Variants in TNNT1 observed in about 807,000 individuals in gnomAD.
TNNT1 encodes troponin T1, slow skeletal type, also known as troponin T, slow skeletal muscle.
Under a neutral mutation model 50.6 loss-of-function variants are expected in TNNT1, and 53 were observed. That is an observed-to-expected ratio of 1.05 (90% confidence interval 0.84 to 1.32). The LOEUF is 1.32. TNNT1 is among the 40% of genes most tolerant of loss of function. The pLI, the probability that TNNT1 is intolerant of heterozygous loss-of-function variation, is 0.00. For synonymous variants in TNNT1, 142 were observed against 138.0 expected, an observed-to-expected ratio of 1.03 and a Z score of -0.20; for missense variants, 348 against 381.7, an observed-to-expected ratio of 0.91 and a Z score of 0.74.
At position 55,138,056 on chromosome 19, in the gene TNNT1, C is replaced by T; in HGVS notation, c.406G>A (p.Glu136Lys). The T allele has an allele frequency of 6.2e-7, 1 of 1,614,182 alleles. No homozygotes were observed. Among genetic ancestry groups the T allele is most frequent in the Non-Finnish European group, 8.5e-7 (1 of 1,180,008 alleles). ...GCCCGCTTCTTGGCCTCTTCCTCTT[C>T]CTTCCTCATCTTCTCCTCCTGTGGG... ...AKLAEEKMRK[E>K]EEEAKKRAED... Residue 136 changes from glutamate (E) to lysine (K), a missense_variant, in exon 10 of 14, where the codon GAA becomes AAA. Glu to Lys is a moderately conservative substitution (Grantham distance 56). Around this residue, in one of 3 missense-constraint regions of TNNT1, gnomAD observed 253 missense variants for 291.8 expected, o/e 0.87. Transcript: ENST00000588981.
At chr19:55,144,902 G>A (rs1236124816) in intron 6 of TNNT1, among the ~76,000 whole-genome samples, 1 of 152,182 alleles carries the variant, frequency 6.6e-6, no homozygotes, top group Non-Finnish European at 1.5e-5. Flanking sequence ...CTCGAGTCAT[G>A]GAGGAGGATG....
At chr19:55,133,695 A>AT in intron 13 of TNNT1, 192 bp downstream of exon 13, 3 of 650,806 alleles carry the variant, frequency 4.6e-6, no homozygotes, top group East Asian at 2.8e-5. Context: ...AAAAAAAAAA[A>AT]GAAAGAAAAA....
rs1372463418 is a variant in TNNT1 at position 55,147,292 on chromosome 19, GA to G, written c.-11-125del. 4.4e-6 allele frequency: 4 copies of G among 899,588 alleles called. No homozygotes were observed. The African/African-American group carries it at 6.9e-5, about 15-fold the overall frequency. The allele number at this position is 899,588 out of a possible 1,614,324, so 55.7% of individuals were successfully genotyped here. A position where few individuals can be genotyped will look rare whatever the true frequency, so the allele number is the denominator to read the frequency against. On this transcript the variant is annotated intron_variant, in intron 1 of 13. Coordinates refer to ENST00000588981, the MANE Select transcript of TNNT1 (RefSeq NM_003283.6). Reference sequence around the variant, plus strand: ...CCTGGGTCTGGACTCCTGGGTGTGAGAGAGGAGGAGCTGGGGTCTGGACTCC... The same window carrying G: ...CCTGGGTCTGGACTCCTGGGTGTGAGGAGGAGGAGCTGGGGTCTGGACTCC...
At chr19:55,136,424 T>C (rs1413368877) in intron 11 of TNNT1, among the ~76,000 whole-genome samples, 1 of 152,118 alleles carries the variant, frequency 6.6e-6, no homozygotes. Flanking sequence ...CTTTCACAGC[T>C]CTGTGAGGTC....
At position 55,132,928 on chromosome 19, in the gene TNNT1, C is replaced by A; in HGVS notation, c.824G>T (p.Gly275Val). 1 of 1,603,874 alleles carries A rather than the reference C, an allele frequency of 6.2e-7. No individual in the cohort carries two copies. The highest frequency in any genetic ancestry group is 8.5e-7 in the Non-Finnish European group (1 of 1,176,314). The change falls in exon 14 of 14, where the codon GGC (glycine) becomes GTC (valine). Residue 275 changes from glycine to valine, a missense_variant. Transcript: ENST00000588981. ...GGGGCGGCATCCTCACTTCCAGCGGCCTCCAACGCGGCCCTTCCCTGCCCC... is the reference window on the plus strand; with the variant it reads ...GGGGCGGCATCCTCACTTCCAGCGGACTCCAACGCGGCCCTTCCCTGCCCC... ...RKGAGKGRVG[G>V]RWK
intron 7 of TNNT1, among the ~76,000 whole-genome samples, chr19:55,141,504 CCT>C (rs938619916): frequency 3.3e-5 from 5 of 150,972 alleles, no homozygotes; most frequent in African/African-American, 1.2e-4. Flanking sequence ...GGGACCGGCG[CCT>C]TTTTTTTTTT....
At chr19:55,145,615 G>A in intron 5 of TNNT1, 50 bp from the exon 6 acceptor site, 1 of 1,607,822 alleles carries the variant, frequency 6.2e-7, no homozygotes, top group Non-Finnish European at 8.5e-7. Context: ...GTTTAGAGGA[G>A]AGGGGCTAGG....
chr19:55,144,075 T>C (rs1320275243), intron 6 of TNNT1, among the ~76,000 whole-genome samples: 2 of 148,202 alleles, frequency 1.3e-5, no homozygotes, highest in African/African-American at 2.5e-5. Flanking sequence ...CCACCCCCTT[T>C]TTTTTTTTTT....
chr19:55,141,364 C>T, intron 7 of TNNT1, 62 bp from the exon 8 acceptor site: 1 of 1,221,038 alleles, frequency 8.2e-7, no homozygotes. Context: ...CCTCCCAGCA[C>T]CTCCCCCATG....
chr19:55,146,529 G>T, intron 4 of TNNT1, 63 bp from the exon 5 acceptor site: 1 of 1,150,824 alleles, frequency 8.7e-7, no homozygotes, highest in Non-Finnish European at 1.2e-6. Flanking sequence ...CCACGCCCGG[G>T]CGCGGGAGGG....
chr19:55,145,580 G>A lies in TNNT1; in HGVS notation c.107-15C>T. On this transcript the variant is annotated splice_polypyrimidine_tract_variant and intron_variant, in intron 5 of 13. Coordinates refer to ENST00000588981, the MANE Select transcript of TNNT1 (RefSeq NM_003283.6). Reference sequence around the variant, plus strand: ...GCGTTCCTCTTCTGTTGGTGGTGGGGGATAAAAAGAGATAATTAGCAAGAG... The same window carrying A: ...GCGTTCCTCTTCTGTTGGTGGTGGGAGATAAAAAGAGATAATTAGCAAGAG... The A allele has an allele frequency of 6.2e-7, 1 of 1,613,572 alleles. No individual in the cohort carries two copies. Among genetic ancestry groups the A allele is most frequent in the Non-Finnish European group, 8.5e-7 (1 of 1,179,766 alleles).
rs1428457575 is a variant in TNNT1, at chr19:55,147,004, T to C, written c.46+4A>G. ...CCCATAGGGCCGGCCCACTCCCTACTCACCTTCCGGCTGCTCCCTGCGGAC... is the reference window on the plus strand; with the variant it reads ...CCCATAGGGCCGGCCCACTCCCTACCCACCTTCCGGCTGCTCCCTGCGGAC... On this transcript the variant is annotated splice_donor_region_variant and intron_variant, in intron 3 of 13. Transcript: ENST00000588981. 1.9e-6 allele frequency: 3 copies of C among 1,608,992 alleles called. No individual in the cohort carries two copies. Among genetic ancestry groups the C allele is most frequent in the Non-Finnish European group, 2.5e-6 (3 of 1,177,940 alleles).
Position 55,146,435 on chromosome 19 carries a change from T to C in TNNT1, c.105A>G (p.Pro35=). The change falls in exon 5 of 14, where the codon CCA becomes CCG. Residue 35 remains proline (P), a splice_region_variant and synonymous_variant. Coordinates refer to ENST00000588981, the MANE Select transcript of TNNT1 (RefSeq NM_003283.6). Reference sequence around the variant, plus strand: ...GGGAAGCGAAGCAGCCGCGGTTACCTGGCTCTGCCACCGGCTCCGGCTCTT... The same window carrying C: ...GGGAAGCGAAGCAGCCGCGGTTACCCGGCTCTGCCACCGGCTCCGGCTCTT... ...APEEPEPVAE[P]EEERPKPSRP... is the part of the protein sequence containing the mutation. 1 of 1,162,700 alleles carries C rather than the reference T, an allele frequency of 8.6e-7. No homozygotes were observed. The highest frequency in any genetic ancestry group is 1.1e-6 in the Non-Finnish European group (1 of 931,554). The allele number at this position is 1,162,700 out of a possible 1,614,324, so 72.0% of individuals were successfully genotyped here. A position where few individuals can be genotyped will look rare whatever the true frequency, so the allele number is the denominator to read the frequency against.
intron 6 of TNNT1, chr19:55,142,140 T>TGA: frequency 1.9e-6 from 1 of 514,942 alleles, no homozygotes; most frequent in South Asian, 2.0e-5. Context: ...TTTGTTTTTT[T>TGA]GACGGAGTCT....
At chr19:55,148,877 C>A (rs555669920) in intron 1 of TNNT1, among the ~76,000 whole-genome samples, 1 of 152,002 alleles carries the variant, frequency 6.6e-6, no homozygotes, top group African/African-American at 2.4e-5. Flanking sequence ...GCTGAGATTT[C>A]CCCCAGATTC....
Position 55,142,223 on chromosome 19 carries a change from C to T in TNNT1, c.129-303G>A, listed in dbSNP as rs535952618. ...GCAAGCTCCGCCTCCTGGGTTCACG[C>T]CATTCTCCTGCCTCAGCCTCCCGAG... On this transcript the variant is annotated intron_variant, in intron 6 of 13. Transcript: ENST00000588981. Among the ~76,000 whole-genome samples, 24 of 151,616 alleles carry T rather than the reference C, an allele frequency of 1.6e-4. 1 individual carries two copies. Among genetic ancestry groups the T allele is most frequent in the Admixed American group, 5.2e-4 (8 of 15,242 alleles).
At chr19:55,143,557 G>C (rs980759484) in intron 6 of TNNT1, among the ~76,000 whole-genome samples, 1 of 152,066 alleles carries the variant, frequency 6.6e-6, no homozygotes, top group Non-Finnish European at 1.5e-5. Flanking sequence ...CAGCAGGGCC[G>C]TCATCTCCAT....
In TNNT1 at chr19:55,146,722, A is replaced by C; in HGVS notation, c.47-15T>G. 6.8e-7 allele frequency: 1 copy of C among 1,478,742 alleles called. No individual in the cohort carries two copies. Among genetic ancestry groups the C allele is most frequent in the Non-Finnish European group, 9.0e-7 (1 of 1,111,918 alleles). 91.6% of individuals were successfully genotyped at this position (1,478,742 alleles called of 1,614,324 possible). ...CGCAGCCTCCTCTGGAGATGGGGGCACAGAAGAGAAGGCGTTAGGAGCTGG... is the reference window on the plus strand; with the variant it reads ...CGCAGCCTCCTCTGGAGATGGGGGCCCAGAAGAGAAGGCGTTAGGAGCTGG... On this transcript the variant is annotated splice_polypyrimidine_tract_variant and intron_variant, in intron 3 of 13. Coordinates refer to ENST00000588981, the MANE Select transcript of TNNT1 (RefSeq NM_003283.6).
rs755856894 is a variant in TNNT1 at position 55,140,951 on chromosome 19, G to T, written c.319C>A (p.Arg107=). Residue 107 remains arginine (R), a synonymous_variant, in exon 9 of 14, where the codon CGG becomes AGG. Transcript: ENST00000588981. Reference sequence around the variant, plus strand: ...CGCTGTTGCTCGGCTCTCTCTGACCGGCGCCGCTCCTGGGAAACGGAGAAG... The same window carrying T: ...CGCTGTTGCTCGGCTCTCTCTGACCTGCGCCGCTCCTGGGAAACGGAGAAG... The part of the protein sequence containing the change: ...VALKERIERR[R]SERAEQQRFR... 29 of 1,613,802 alleles carry T rather than the reference G, an allele frequency of 1.8e-5. No individual in the cohort carries two copies. The highest frequency in any genetic ancestry group is 2.5e-5 in the Non-Finnish European group (29 of 1,180,036).
Sources: gnomAD v4.1 joint callset for allele counts (sites outside exome capture counted in the v4.1 genomes callset) on GRCh38, gnomAD v4.1.1 for gene constraint, gnomAD v4.1.1 regional missense constraint, MANE v1.5 for transcripts, NCBI Gene and HGNC (gene_info 2026-07-23, HGNC 2026-07-21) for gene names.